UBR2: variants seen among roughly 807,000 people sequenced by gnomAD.
The protein encoded by UBR2 is E3 ubiquitin-protein ligase UBR2.
In UBR2, 92 loss-of-function variants were observed where a neutral mutation model predicts 247.9. The observed-to-expected ratio is 0.37, with a 90% CI of 0.31 to 0.44. The LOEUF (loss-of-function observed/expected upper bound fraction) is 0.44. UBR2 is among the 20% of genes least tolerant of loss of function. The pLI, the probability that UBR2 is intolerant of heterozygous loss-of-function variation, is 1.00. For missense variants in UBR2, 1,613 were observed against 2,112.6 expected, an observed-to-expected ratio of 0.76 and a Z score of 4.64; for synonymous variants, 672 against 693.5, an observed-to-expected ratio of 0.97 and a Z score of 0.49.
intron 21 of UBR2, among the ~76,000 whole-genome samples, chr6:42,646,970 C>A (rs1025010600): frequency 6.6e-6 from 1 of 151,406 alleles, no homozygotes; most frequent in Admixed American, 6.6e-5. Context: ...TACAGGCGCA[C>A]GCCACCATGC....
chr6:42,640,546 G>A (rs913650427), intron 16 of UBR2, among the ~76,000 whole-genome samples: 7 of 151,996 alleles, frequency 4.6e-5, no homozygotes, highest in Non-Finnish European at 1.0e-4. Flanking sequence ...GAGCCTAGCA[G>A]ACTGGCAGAC....
chr6:42,633,099 T>C (rs1361222334), intron 13 of UBR2, among the ~76,000 whole-genome samples, 195 bp downstream of exon 13: 1 of 151,834 alleles, frequency 6.6e-6, no homozygotes, highest in Non-Finnish European at 1.5e-5. Flanking sequence ...CTGGCAGTTC[T>C]CCTGCCTCAG....
At chr6:42,640,373 G>A (rs1291903189) in intron 16 of UBR2, 103 bp downstream of exon 16, 8 of 766,772 alleles carry the variant, frequency 1.0e-5, no homozygotes, top group African/African-American at 1.8e-5. Flanking sequence ...CAGAGGAACA[G>A]AACCAGTAAG....
At position 42,614,230 on chromosome 6, in the gene UBR2, ACACACACACACACACG is replaced by A. The variant is rs1394535235; in HGVS notation, c.986-839_986-824del. On this transcript the variant is annotated intron_variant, in intron 8 of 46. Transcript: ENST00000372901. ...ACTATATATATATACACACACACAC[ACACACACACACACACG>A]CGCGCACATATATATACACACACAC... Among the ~76,000 whole-genome samples, 246 of 98,550 alleles carry A rather than the reference ACACACACACACACACG, an allele frequency of 2.5e-3. 14 individuals carry two copies. The highest frequency in any genetic ancestry group is 3.7e-3 in the Non-Finnish European group (169 of 46,186). 64.7% of individuals were successfully genotyped at this position (98,550 alleles called of 152,430 possible).
chr6:42,686,521 C>T (rs946668761), intron 44 of UBR2, among the ~76,000 whole-genome samples: 2 of 152,218 alleles, frequency 1.3e-5, no homozygotes, highest in African/African-American at 4.8e-5. Flanking sequence ...CTTTCTTTTC[C>T]CCACATTTCC....
At chr6:42,605,228 G>A (rs576475166) in intron 5 of UBR2, among the ~76,000 whole-genome samples, 50 of 152,068 alleles carry the variant, frequency 3.3e-4, no homozygotes, top group African/African-American at 1.2e-3. Flanking sequence ...GGAATTAGGG[G>A]CCAGATTAAT....
intron 31 of UBR2, among the ~76,000 whole-genome samples, chr6:42,662,659 ATTGTAAT>A (rs1389787405): frequency 6.6e-6 from 1 of 152,210 alleles, no homozygotes; most frequent in Non-Finnish European, 1.5e-5. Context: ...ACTTCCCAAA[ATTGTAAT>A]GGCTCCCTGT....
chr6:42,569,484 C>T (rs546232747), intron 1 of UBR2, among the ~76,000 whole-genome samples: 31 of 152,110 alleles, frequency 2.0e-4, no homozygotes, highest in African/African-American at 7.0e-4. Flanking sequence ...GTCTTTTGAC[C>T]TATTAAATTT....
At position 42,659,786 on chromosome 6, in the gene UBR2, G is replaced by C; in HGVS notation, c.3373G>C (p.Val1125Leu). 1 of 1,614,142 alleles carries C rather than the reference G, an allele frequency of 6.2e-7. No individual in the cohort carries two copies. The highest frequency in any genetic ancestry group is 8.5e-7 in the Non-Finnish European group (1 of 1,180,012). Residue 1125 changes from valine (V) to leucine (L), a missense_variant, in exon 30 of 47, where the codon GTC becomes CTC. By Grantham distance (32) the Val-to-Leu change is conservative. Transcript: ENST00000372901. This position sits in a 1 kb window ranked among gnomAD's most constrained non-coding sequence, Gnocchi z 4.3. The part of the protein sequence containing the change: ...QEVKVESRAM[V>L]LAAFVQRSTV... ...AGTTAAAGTGGAAAGCAGGGCAATG[G>C]TCTTGGCAGCATTTGTTCAGAGATC...
At chr6:42,680,888 C>T (rs1008785011) in intron 42 of UBR2, among the ~76,000 whole-genome samples, 5 of 151,582 alleles carry the variant, frequency 3.3e-5, no homozygotes, top group South Asian at 2.1e-4. Flanking sequence ...GGGGCGGGGG[C>T]GCGGTGGCTC....
At chr6:42,666,713 G>A (rs942940080) in intron 34 of UBR2, among the ~76,000 whole-genome samples, 6 of 152,024 alleles carry the variant, frequency 3.9e-5, no homozygotes, top group Admixed American at 6.6e-5. Context: ...CCGCACTTCC[G>A]TCTGACTTCA....
rs1562310782 is a variant in UBR2 at position 42,614,205 on chromosome 6, A to AAAAAAAAATAT, written c.986-866_986-865insAAAAAAAATAT. ...AAAAAAAAAAAAAAAAAAAAAAAAAACTATATATATATACACACACACACA... is the reference window on the plus strand; with the variant it reads ...AAAAAAAAAAAAAAAAAAAAAAAAAAAAAAAAAATATCTATATATATATACACACACACACA... On this transcript the variant is annotated intron_variant, in intron 8 of 46. Coordinates refer to ENST00000372901, the MANE Select transcript of UBR2 (RefSeq NM_001363705.2). 7.5e-5 allele frequency among the ~76,000 whole-genome samples: 2 copies of AAAAAAAAATAT among 26,604 alleles called. 1 individual carries two copies. Among genetic ancestry groups the AAAAAAAAATAT allele is most frequent in the Non-Finnish European group, 1.3e-4 (2 of 14,872 alleles). The allele number at this position is 26,604 out of a possible 152,430, so 17.5% of individuals were successfully genotyped here.
chr6:42,575,138 C>T (rs935691892), intron 2 of UBR2, among the ~76,000 whole-genome samples: 7 of 152,172 alleles, frequency 4.6e-5, no homozygotes, highest in Admixed American at 6.5e-5. Context: ...AACATCTTTC[C>T]GTATCAGCTT....
chr6:42,636,899 G>A lies in UBR2; in HGVS notation c.1675-112G>A, dbSNP rs1796134047. 12 of 1,145,484 alleles carry A rather than the reference G, an allele frequency of 1.0e-5. No homozygotes were observed. In the South Asian group the frequency reaches 2.0e-4, roughly 19 times the overall value. 71.0% of individuals were successfully genotyped at this position (1,145,484 alleles called of 1,614,324 possible). On this transcript the variant is annotated intron_variant, in intron 14 of 46. Transcript: ENST00000372901. Reference sequence around the variant, plus strand: ...AAATTTGGGAGGGAGGATTGAGTTTGGTTTTGCCTATATTGTTATTTGAGG... The same window carrying A: ...AAATTTGGGAGGGAGGATTGAGTTTAGTTTTGCCTATATTGTTATTTGAGG...
Position 42,652,134 on chromosome 6 carries a change from G to A in UBR2, c.2614+63G>A, listed in dbSNP as rs375677881. On this transcript the variant is annotated intron_variant, in intron 24 of 46. Coordinates refer to ENST00000372901, the MANE Select transcript of UBR2 (RefSeq NM_001363705.2). ...TTTTGCTTGTTAAACATTGTTTTCT[G>A]TTAACTATGATGATTGTCCTTGGTG... The A allele has an allele frequency of 9.0e-6, 13 of 1,436,780 alleles. No homozygotes were observed. In the African/African-American group the frequency reaches 1.6e-4, roughly 18 times the overall value. The allele number at this position is 1,436,780 out of a possible 1,614,324, so 89.0% of individuals were successfully genotyped here.
chr6:42,673,775 C>G lies in UBR2; in HGVS notation c.4087-16C>G, dbSNP rs763048244. 6.3e-7 allele frequency: 1 copy of G among 1,598,532 alleles called. No individual in the cohort carries two copies. Among genetic ancestry groups the G allele is most frequent in the African/African-American group, 1.3e-5 (1 of 74,300 alleles). On this transcript the variant is annotated splice_polypyrimidine_tract_variant and intron_variant, in intron 36 of 46. Coordinates refer to ENST00000372901, the MANE Select transcript of UBR2 (RefSeq NM_001363705.2). ...TTGCATTTTTGTTTTTTGTTAATTG[C>G]GTTGGTTTATTTTAGGATGACTGTC...
intron 23 of UBR2, 82 bp downstream of exon 23, chr6:42,650,468 C>A: frequency 8.1e-7 from 1 of 1,232,824 alleles, no homozygotes. Flanking sequence ...GTTGCCCAGG[C>A]TAGAGTTTGG....
intron 43 of UBR2, among the ~76,000 whole-genome samples, chr6:42,684,542 C>T (rs1023867855): frequency 1.3e-5 from 2 of 151,646 alleles, no homozygotes; most frequent in Non-Finnish European, 2.9e-5. Context: ...CAAGATTGCG[C>T]CACTGCACTC....
chr6:42,666,204 A>G lies in UBR2; in HGVS notation c.3840A>G (p.Glu1280=). Residue 1280 remains glutamate, a synonymous_variant, in exon 34 of 47, where the codon GAA becomes GAG. Coordinates refer to ENST00000372901, the MANE Select transcript of UBR2 (RefSeq NM_001363705.2). ...CAAAGAATTCAGAAAATGTGGATGA[A>G]TTACAGCTCCCTGAAGGGTTCAGGC... is the stretch of plus-strand genomic sequence containing the variant. ...ASTKNSENVD[E]LQLPEGFRPD... The G allele has an allele frequency of 1.2e-6, 2 of 1,612,822 alleles. No individual in the cohort carries two copies. Among genetic ancestry groups the G allele is most frequent in the South Asian group, 2.2e-5 (2 of 90,674 alleles).
Sources: gnomAD v4.1 joint callset for allele counts (sites outside exome capture counted in the v4.1 genomes callset) on GRCh38, gnomAD v4.1.1 for gene constraint, Gnocchi (gnomAD v3.1) non-coding constraint, MANE v1.5 for transcripts, NCBI Gene and HGNC (gene_info 2026-07-23, HGNC 2026-07-21) for gene names.